The following CCDC30 variants were observed in gnomAD, a reference collection of about 807,000 sequenced individuals.
CCDC30 encodes the protein coiled-coil domain containing 30, also known as coiled-coil domain-containing protein 30.
A neutral mutation model predicts 100.2 loss-of-function variants in CCDC30; 70 were observed. That is an observed-to-expected ratio of 0.70 (90% CI 0.58 to 0.85). The LOEUF is 0.85. Ranked by LOEUF, CCDC30 falls within the 40% of genes least tolerant of loss-of-function variation. CCDC30 has a pLI of 0.00. For synonymous variants in CCDC30, 233 were observed against 269.5 expected (o/e 0.86, Z 1.33); for missense variants, 652 against 771.2 (o/e 0.85, Z 1.83).
chr1:42,637,116 C>A, intron 11 of CCDC30, 121 bp from the exon 16 acceptor site: 2 of 728,632 alleles, frequency 2.7e-6, no homozygotes, highest in Admixed American at 3.4e-5. Context: ...TAAGTATCCA[C>A]ATCCGGTGCC....
chr1:42,506,905 T>G (rs983921435), intron 6 of CCDC30, among the ~76,000 whole-genome samples: 1 of 152,192 alleles, frequency 6.6e-6, no homozygotes, highest in Non-Finnish European at 1.5e-5. Context: ...AAAGCCAAAA[T>G]TTATCCTTGC....
chr1:42,641,549 T>TAAAAAAAC (rs1183346493), intron 12 of CCDC30, among the ~76,000 whole-genome samples: 2 of 148,224 alleles, frequency 1.3e-5, no homozygotes, highest in Non-Finnish European at 3.0e-5. Flanking sequence ...AGATCCTGTC[T>TAAAAAAAC]AAAAAAACAA....
intron 6 of CCDC30, among the ~76,000 whole-genome samples, chr1:42,563,291 C>T (rs2148560735): frequency 6.6e-6 from 1 of 152,254 alleles, no homozygotes; most frequent in East Asian, 1.9e-4. Flanking sequence ...GGAATGATAT[C>T]ATGTCCTTTG....
At chr1:42,531,755 CTA>C (rs1335276637) in intron 6 of CCDC30, among the ~76,000 whole-genome samples, 2 of 151,882 alleles carry the variant, frequency 1.3e-5, no homozygotes, top group Non-Finnish European at 2.9e-5. Context: ...TGAGATCATA[CTA>C]TATATATATA....
chr1:42,634,603 C>A (rs538696034), intron 11 of CCDC30, among the ~76,000 whole-genome samples: 37 of 152,224 alleles, frequency 2.4e-4, no homozygotes, highest in African/African-American at 8.2e-4. Context: ...AGTATGGATG[C>A]TTTAATCTAT....
chr1:42,466,389 C>T (rs960697735), intron 1 of CCDC30, among the ~76,000 whole-genome samples: 5 of 152,162 alleles, frequency 3.3e-5, no homozygotes, highest in African/African-American at 1.2e-4. Context: ...AATTCTTTGT[C>T]TCAGTTTGCT....
At chr1:42,489,289 C>T (rs892274223) in intron 3 of CCDC30, among the ~76,000 whole-genome samples, 3 of 152,176 alleles carry the variant, frequency 2.0e-5, no homozygotes, top group Non-Finnish European at 4.4e-5. Flanking sequence ...AAAATGGAAA[C>T]ATGAATATCT....
chr1:42,562,092 T>C (rs894892890), intron 6 of CCDC30, among the ~76,000 whole-genome samples: 1 of 152,162 alleles, frequency 6.6e-6, no homozygotes, highest in Non-Finnish European at 1.5e-5. Context: ...CTTCACAGAA[T>C]TAGAAAAAAC....
At position 42,489,811 on chromosome 1, in the gene CCDC30, G is replaced by A. The variant is rs548216627; in HGVS notation, c.170-347G>A. On this transcript the variant is annotated intron_variant, in intron 3 of 16. Transcript: ENST00000668663. ...AGGAATTATTTTTACTTATTTCTGGGTGTAATTTCTTTTTACTAAACTGGT... is the reference window on the plus strand; with the variant it reads ...AGGAATTATTTTTACTTATTTCTGGATGTAATTTCTTTTTACTAAACTGGT... 49 of 158,064 alleles carry A rather than the reference G, an allele frequency of 3.1e-4. 1 individual carries two copies. The highest frequency in any genetic ancestry group is 1.1e-3 in the African/African-American group (48 of 41,870). 9.8% of individuals were successfully genotyped at this position (158,064 alleles called of 1,614,324 possible). A position where few individuals can be genotyped will look rare whatever the true frequency, so the allele number is the denominator to read the frequency against.
intron 6 of CCDC30, among the ~76,000 whole-genome samples, chr1:42,541,628 G>T (rs1404412034): frequency 6.6e-6 from 1 of 152,128 alleles, no homozygotes; most frequent in Admixed American, 6.6e-5. Context: ...ACACTACAAA[G>T]TTATTACTTT....
chr1:42,557,013 T>C (rs1645384323), intron 6 of CCDC30, among the ~76,000 whole-genome samples: 1 of 152,202 alleles, frequency 6.6e-6, no homozygotes. Flanking sequence ...GTAGTGACTA[T>C]AGCCACATTT....
chr1:42,629,543 C>T (rs2148667155), intron 11 of CCDC30, among the ~76,000 whole-genome samples: 1 of 152,164 alleles, frequency 6.6e-6, no homozygotes, highest in Non-Finnish European at 1.5e-5. Flanking sequence ...CCTTCTTGTA[C>T]TTGGATATTG....
chr1:42,605,536 T>C (rs913591076), intron 10 of CCDC30, among the ~76,000 whole-genome samples: 1 of 152,184 alleles, frequency 6.6e-6, no homozygotes, highest in African/African-American at 2.4e-5. Flanking sequence ...TGGAGTGCAG[T>C]AGTGCCATCA....
At chr1:42,479,665 A>C (rs1643927291) in intron 1 of CCDC30, among the ~76,000 whole-genome samples, 2 of 151,938 alleles carry the variant, frequency 1.3e-5, no homozygotes, top group African/African-American at 4.8e-5. Flanking sequence ...CAAATACATG[A>C]CACCTGACAC....
chr1:42,456,790 C>T, the CCDC30 span: 1 of 1,613,150 alleles, frequency 6.2e-7, no homozygotes, highest in South Asian at 1.1e-5. Context: ...CCTTCCTAGC[C>T]GCCGGCTACG....
chr1:42,500,640 C>G (rs1432266301), intron 6 of CCDC30, among the ~76,000 whole-genome samples: 2 of 152,162 alleles, frequency 1.3e-5, no homozygotes, highest in Non-Finnish European at 2.9e-5. Flanking sequence ...GTCTCAATCT[C>G]CTGACCTCGT....
chr1:42,500,179 A>C, intron 6 of CCDC30: 2 of 1,470,978 alleles, frequency 1.4e-6, no homozygotes, highest in Non-Finnish European at 1.9e-6. Context: ...TGGAACGTAC[A>C]GTGCATATTG....
At chr1:42,476,259 T>TG (rs1643880187) in intron 1 of CCDC30, among the ~76,000 whole-genome samples, 1 of 149,586 alleles carries the variant, frequency 6.7e-6, no homozygotes, top group East Asian at 2.0e-4. Context: ...CACCTGCTGT[T>TG]TTTCAAGTGT....
intron 1 of CCDC30, among the ~76,000 whole-genome samples, chr1:42,465,878 G>A (rs1259711817): frequency 6.6e-6 from 1 of 152,174 alleles, no homozygotes; most frequent in Non-Finnish European, 1.5e-5. Context: ...GAGAAACTCT[G>A]TCTTAACACA....
Sources: gnomAD v4.1 joint callset for allele counts (sites outside exome capture counted in the v4.1 genomes callset) on GRCh38, gnomAD v4.1.1 for gene constraint, MANE v1.5 for transcripts, NCBI Gene and HGNC (gene_info 2026-07-23, HGNC 2026-07-21) for gene names.